SORCS3: variants seen among roughly 807,000 people sequenced by gnomAD.
SORCS3 encodes VPS10 domain-containing receptor SorCS3.
Under a neutral mutation model 146.3 loss-of-function variants are expected in SORCS3, and 57 were observed. The ratio of observed to expected loss-of-function variants is 0.39; its 90% CI spans 0.31 to 0.49. SORCS3 has a LOEUF of 0.49. Ranked by LOEUF, SORCS3 falls within the 20% of genes least tolerant of loss-of-function variation. The pLI, the probability that SORCS3 is intolerant of heterozygous loss-of-function variation, is 0.92. For synonymous variants in SORCS3, 653 were observed against 618.5 expected (o/e 1.06, Z -0.83); for missense variants, 1,341 against 1,575.5 (o/e 0.85, Z 2.52).
At chr10:105,183,564 T>G (rs2056456417) in intron 14 of SORCS3, among the ~76,000 whole-genome samples, 1 of 152,190 alleles carries the variant, frequency 6.6e-6, no homozygotes, top group Non-Finnish European at 1.5e-5. Context: ...GATCTGTTTT[T>G]CAATTCTCTG....
intron 8 of SORCS3, among the ~76,000 whole-genome samples, chr10:105,143,726 A>T (rs2056110933): frequency 1.3e-5 from 2 of 152,160 alleles, no homozygotes; most frequent in African/African-American, 4.8e-5. Context: ...ATTTAATTAT[A>T]ATTGTAATGA....
intron 3 of SORCS3, among the ~76,000 whole-genome samples, chr10:104,973,532 G>A (rs1489766051): frequency 6.0e-5 from 9 of 150,602 alleles, no homozygotes; most frequent in East Asian, 1.9e-4. Flanking sequence ...CTGTGGGATC[G>A]GTGGTGATAT....
At position 105,152,448 on chromosome 10, in the gene SORCS3, T is replaced by A. The variant is rs545993889; in HGVS notation, c.1482+4652T>A. ...TTATATTTTTCCATACTAATTTTCA[T>A]AATAAGTCTGCAAAATCCTGGATGT... is the stretch of plus-strand genomic sequence containing the variant. On this transcript the variant is annotated intron_variant, in intron 9 of 26. Transcript: ENST00000369701. Among the ~76,000 whole-genome samples, 6 of 152,320 alleles carry A rather than the reference T, an allele frequency of 3.9e-5. No individual in the cohort carries two copies. In the South Asian group the frequency reaches 1.2e-3, roughly 32 times the overall value.
chr10:105,159,077 C>T, intron 11 of SORCS3, 83 bp downstream of exon 11: 1 of 964,938 alleles, frequency 1.0e-6, no homozygotes, highest in East Asian at 2.6e-5. Context: ...CATGGACTCA[C>T]TTGAGCATCA....
At chr10:104,924,256 A>G (rs552101525) in intron 3 of SORCS3, among the ~76,000 whole-genome samples, 1 of 152,232 alleles carries the variant, frequency 6.6e-6, no homozygotes, top group African/African-American at 2.4e-5. Flanking sequence ...CACTTGCCTC[A>G]GAGCTGGGGC....
chr10:105,068,708 T>C (rs1431007095), intron 5 of SORCS3, among the ~76,000 whole-genome samples: 2 of 152,218 alleles, frequency 1.3e-5, no homozygotes, highest in Admixed American at 6.5e-5. Context: ...AAAGAACTGA[T>C]GTTGATGAGT....
intron 4 of SORCS3, among the ~76,000 whole-genome samples, chr10:104,980,629 G>T (rs1463815377): frequency 6.6e-6 from 1 of 152,220 alleles, no homozygotes; most frequent in Non-Finnish European, 1.5e-5. Context: ...GGAGATGTTT[G>T]TGGTGAGGAG....
chr10:105,116,604 G>T (rs2055895140), intron 7 of SORCS3, among the ~76,000 whole-genome samples: 1 of 151,954 alleles, frequency 6.6e-6, no homozygotes. Context: ...TCACAGCTTT[G>T]TTCACAGTAG....
At chr10:104,719,267 T>G (rs1314276784) in intron 1 of SORCS3, among the ~76,000 whole-genome samples, 1 of 152,172 alleles carries the variant, frequency 6.6e-6, no homozygotes, top group Admixed American at 6.5e-5. Context: ...CCTGATTATT[T>G]TATTCCTTCC....
rs7899850 is a variant in SORCS3 at position 104,871,983 on chromosome 10, C to G, written c.695+29124C>G. On this transcript the variant is annotated intron_variant, in intron 2 of 26. Transcript: ENST00000369701. ...TAGGCAAGGAGGTGACTTCTGCTCT[C>G]TCACACCCTGAGACTACTCTGCTCA... Among the ~76,000 whole-genome samples, 602 of 152,252 alleles carry G rather than the reference C, an allele frequency of 4.0e-3. 3 individuals carry two copies. The highest frequency in any genetic ancestry group is 0.013 in the African/African-American group (551 of 41,540).
At chr10:105,073,754 G>A (rs1320035621) in intron 5 of SORCS3, among the ~76,000 whole-genome samples, 2 of 152,114 alleles carry the variant, frequency 1.3e-5, no homozygotes, top group South Asian at 2.1e-4. Context: ...GACTGGGTGG[G>A]GGTGTGGCAT....
At chr10:104,886,409 A>C (rs1282451705) in intron 2 of SORCS3, among the ~76,000 whole-genome samples, 1 of 152,122 alleles carries the variant, frequency 6.6e-6, no homozygotes, top group Non-Finnish European at 1.5e-5. Flanking sequence ...CATTTACTTT[A>C]TGAACTTAGT....
At chr10:105,164,643 G>A (rs893729325) in intron 12 of SORCS3, among the ~76,000 whole-genome samples, 1 of 152,184 alleles carries the variant, frequency 6.6e-6, no homozygotes, top group African/African-American at 2.4e-5. Flanking sequence ...AACAGGTCCA[G>A]ATGCTAAGTA....
intron 1 of SORCS3, among the ~76,000 whole-genome samples, chr10:104,832,718 C>CAAATAAAT (rs148553473): frequency 0.077 from 10,326 of 133,576 alleles, 1,048 homozygotes; most frequent in African/African-American, 0.23. Flanking sequence ...AACTCCATCT[C>CAAATAAAT]AAATAAATAA....
intron 1 of SORCS3, among the ~76,000 whole-genome samples, chr10:104,688,896 G>T (rs2016081449): frequency 6.6e-6 from 1 of 152,196 alleles, no homozygotes; most frequent in Admixed American, 6.5e-5. Context: ...GGCAGGTTCT[G>T]TGTGACCCAT....
intron 19 of SORCS3, among the ~76,000 whole-genome samples, chr10:105,220,309 A>G (rs1352887573): frequency 6.6e-6 from 1 of 152,158 alleles, no homozygotes; most frequent in Non-Finnish European, 1.5e-5. Context: ...AATAAATGCA[A>G]CCATGAGTGA....
chr10:104,720,604 T>C (rs2016535738), intron 1 of SORCS3, among the ~76,000 whole-genome samples: 1 of 152,228 alleles, frequency 6.6e-6, no homozygotes, highest in Non-Finnish European at 1.5e-5. Context: ...AGTGTAAAAG[T>C]GTTCCTATTT....
chr10:104,705,230 T>G (rs1254205334), intron 1 of SORCS3, among the ~76,000 whole-genome samples: 6 of 151,366 alleles, frequency 4.0e-5, no homozygotes, highest in Admixed American at 2.0e-4. Flanking sequence ...CCTTCGTTTT[T>G]TTTTTTTTTT....
intron 2 of SORCS3, among the ~76,000 whole-genome samples, chr10:104,891,485 C>T (rs1564707132): frequency 6.6e-6 from 1 of 152,104 alleles, no homozygotes; most frequent in African/African-American, 2.4e-5. Flanking sequence ...GATCACTGGG[C>T]TTCACCTAAG....
Sources: allele counts gnomAD v4.1 joint callset (sites outside exome capture counted in the v4.1 genomes callset), GRCh38; gene constraint gnomAD v4.1.1; transcripts MANE v1.5; gene names NCBI Gene and HGNC (gene_info 2026-07-23, HGNC 2026-07-21).